Variants in COL15A1 observed in about 807,000 individuals in gnomAD.
The protein encoded by COL15A1 is collagen type XV alpha 1 chain.
Under a neutral mutation model 165.9 loss-of-function variants are expected in COL15A1, and 111 were observed. The observed-to-expected ratio is 0.67, with a 90% CI of 0.57 to 0.78. The LOEUF is 0.78. Among genes scored for constraint, COL15A1 ranks in the 30% least tolerant of loss-of-function variants. The pLI is 0.00. For synonymous variants in COL15A1, 659 were observed against 674.8 expected (o/e 0.98, Z 0.36); for missense variants, 1,745 against 1,789.7 (o/e 0.98, Z 0.45).
At position 99,062,242 on chromosome 9, in the gene COL15A1, A is replaced by G; in HGVS notation, c.3532-3A>G. 6.2e-7 allele frequency: 1 copy of G among 1,613,456 alleles called. No individual in the cohort carries two copies. Among genetic ancestry groups the G allele is most frequent in the Non-Finnish European group, 8.5e-7 (1 of 1,179,432 alleles). On this transcript the variant is annotated splice_region_variant and splice_polypyrimidine_tract_variant and intron_variant, in intron 37 of 41. Coordinates refer to ENST00000375001, the MANE Select transcript of COL15A1 (RefSeq NM_001855.5). Reference sequence around the variant, plus strand: ...TCATTTCAATGTACTGTTTTTCTTAAAGCTGGGAGAACTGATCCCCATTCC... The same window carrying G: ...TCATTTCAATGTACTGTTTTTCTTAGAGCTGGGAGAACTGATCCCCATTCC...
intron 5 of COL15A1, 74 bp downstream of exon 5, chr9:98,989,332 G>C (rs1838376470): frequency 8.2e-7 from 1 of 1,226,408 alleles, no homozygotes; most frequent in East Asian, 2.4e-5. Context: ...AGGGGGCCCA[G>C]AGTCCTGGGT....
At chr9:98,998,572 G>A (rs2118930013) in intron 6 of COL15A1, among the ~76,000 whole-genome samples, 1 of 152,324 alleles carries the variant, frequency 6.6e-6, no homozygotes, top group East Asian at 1.9e-4. Flanking sequence ...GCCGTCCTCT[G>A]GGAGCATGAA....
chr9:99,022,684 C>T (rs1024618511), intron 13 of COL15A1, among the ~76,000 whole-genome samples: 3 of 152,242 alleles, frequency 2.0e-5, no homozygotes, highest in African/African-American at 7.2e-5. Flanking sequence ...GCTGTAACCC[C>T]CAAACCCAGC....
chr9:98,998,415 T>C (rs116679039), intron 6 of COL15A1, among the ~76,000 whole-genome samples: 320 of 152,306 alleles, frequency 2.1e-3, no homozygotes, highest in African/African-American at 7.2e-3. Flanking sequence ...AATAACGTCA[T>C]GACAGAGCCA....
rs753394964 is a variant in COL15A1, at chr9:99,049,743, G to T, written c.2847G>T (p.Val949=). The change falls in exon 29 of 42, where the codon GTG becomes GTT. Residue 949 remains valine (V), a synonymous_variant. Coordinates refer to ENST00000375001, the MANE Select transcript of COL15A1 (RefSeq NM_001855.5). ...GCCCCCCTGGGCCACCTGGAGCTGT[G>T]ATTAACATCAAAGGAGTAAGTTGGC... The part of the protein sequence containing the change: ...PPGPPGPPGA[V]INIKGAIFPI... 1 of 1,614,206 alleles carries T rather than the reference G, an allele frequency of 6.2e-7. No individual in the cohort carries two copies. The highest frequency in any genetic ancestry group is 1.1e-5 in the South Asian group (1 of 91,078).
rs372181252 is a variant in COL15A1, at chr9:99,066,961, C to A, written c.3731C>A (p.Ala1244Glu). 1.2e-6 allele frequency: 2 copies of A among 1,614,058 alleles called. No homozygotes were observed. The highest frequency in any genetic ancestry group is 1.7e-6 in the Non-Finnish European group (2 of 1,180,016). ...CAGTGCTTCAAGCAGGCCAGAGCTG[C>A]AGGACTGTTGTCCACCTACCGAGCA... is the stretch of plus-strand genomic sequence containing the variant. ...DFQCFKQARA[A>E]GLLSTYRAFL... is the part of the protein sequence containing the mutation. The change falls in exon 40 of 42, where the codon GCA becomes GAA. Residue 1244 changes from alanine to glutamate, a missense_variant. Transcript: ENST00000375001.
At chr9:99,059,144 A>G (rs755987591) in intron 35 of COL15A1, among the ~76,000 whole-genome samples, 8 of 152,278 alleles carry the variant, frequency 5.3e-5, no homozygotes, top group South Asian at 2.1e-4. Flanking sequence ...ATATTTTTTT[A>G]TAGAATTATG....
chr9:99,006,108 TCTC>T (rs1271061023), intron 9 of COL15A1, among the ~76,000 whole-genome samples: 7 of 152,096 alleles, frequency 4.6e-5, no homozygotes, highest in African/African-American at 1.7e-4. Context: ...TTCTCCCTTC[TCTC>T]CTCCTTTTAA....
chr9:99,058,753 C>T (rs543486149), intron 35 of COL15A1, among the ~76,000 whole-genome samples: 1 of 152,172 alleles, frequency 6.6e-6, no homozygotes, highest in Non-Finnish European at 1.5e-5. Context: ...AAGAGACTTA[C>T]TTGAGGTCAC....
At chr9:98,944,359 G>C (rs1837540844) in intron 2 of COL15A1, 109 bp downstream of exon 2, 8 of 1,137,078 alleles carry the variant, frequency 7.0e-6, no homozygotes, top group Non-Finnish European at 1.0e-5. Flanking sequence ...GGACATAAAA[G>C]GGAGTCTTGC....
chr9:99,016,642 T>C (rs551691079), intron 11 of COL15A1, among the ~76,000 whole-genome samples: 24 of 152,398 alleles, frequency 1.6e-4, no homozygotes, highest in East Asian at 5.8e-4. Flanking sequence ...TACAAAGCTC[T>C]GTACCCACAC....
intron 6 of COL15A1, 73 bp from the exon 7 acceptor site, chr9:99,000,766 G>A (rs1194886061): frequency 3.8e-6 from 3 of 784,542 alleles, no homozygotes; most frequent in Non-Finnish European, 2.3e-6. Flanking sequence ...AAGTTAGCTG[G>A]TGAAGAGATA....
At chr9:98,976,528 A>G (rs1272350820) in intron 2 of COL15A1, among the ~76,000 whole-genome samples, 1 of 152,074 alleles carries the variant, frequency 6.6e-6, no homozygotes, top group Admixed American at 6.6e-5. Flanking sequence ...AGCATCGTGG[A>G]GATGGGAGGG....
rs77981050 is a variant in COL15A1, at chr9:99,013,550, G to GAA, written c.1354-1853_1354-1852dup. ...GGTCCTAAACAATAACTTCCTAGGA[G>GAA]AAAAAAAAAAAAAAACAGCTAAGAC... is the stretch of plus-strand genomic sequence containing the variant. On this transcript the variant is annotated intron_variant, in intron 9 of 41. Coordinates refer to ENST00000375001, the MANE Select transcript of COL15A1 (RefSeq NM_001855.5). 1.7e-3 allele frequency among the ~76,000 whole-genome samples: 223 copies of GAA among 134,768 alleles called. 3 individuals are homozygous for GAA. In the East Asian group the frequency reaches 0.029, roughly 17 times the overall value. The allele number at this position is 134,768 out of a possible 152,430, so 88.4% of individuals were successfully genotyped here.
At chr9:99,060,260 T>A (rs1179770554) in intron 36 of COL15A1, among the ~76,000 whole-genome samples, 1 of 141,246 alleles carries the variant, frequency 7.1e-6, no homozygotes, top group Non-Finnish European at 1.5e-5. Flanking sequence ...ATATATATTT[T>A]TTTTTTGCTG....
intron 33 of COL15A1, 23 bp downstream of exon 33, chr9:99,055,174 T>G: frequency 6.2e-7 from 1 of 1,609,120 alleles, no homozygotes; most frequent in Non-Finnish European, 8.5e-7. Context: ...CTACCAATAT[T>G]TGGCCTGTGT....
intron 11 of COL15A1, among the ~76,000 whole-genome samples, chr9:99,019,628 A>G (rs942272472): frequency 3.3e-5 from 5 of 151,364 alleles, no homozygotes; most frequent in Non-Finnish European, 7.4e-5. Flanking sequence ...CAGAGTCACC[A>G]TGACAGTATA....
At chr9:99,061,607 A>C (rs940420989) in intron 36 of COL15A1, among the ~76,000 whole-genome samples, 1 of 152,240 alleles carries the variant, frequency 6.6e-6, no homozygotes, top group African/African-American at 2.4e-5. Flanking sequence ...AGTGCCACCA[A>C]GTAGCTTAAA....
chr9:98,970,382 C>T (rs1030159756), intron 2 of COL15A1, among the ~76,000 whole-genome samples: 10 of 152,160 alleles, frequency 6.6e-5, no homozygotes, highest in East Asian at 5.8e-4. Flanking sequence ...TTACTGACAA[C>T]GAGGAAAGGA....
Sources: allele counts gnomAD v4.1 joint callset (sites outside exome capture counted in the v4.1 genomes callset), GRCh38; gene constraint gnomAD v4.1.1; transcripts MANE v1.5; gene names NCBI Gene and HGNC (gene_info 2026-07-23, HGNC 2026-07-21).